The following RIT2 variants were observed in gnomAD, a reference collection of about 807,000 sequenced individuals.
RIT2 encodes the protein GTP-binding protein Rit2.
RIT2 carries 24 observed loss-of-function variants against 23.7 expected under a neutral mutation model. That is an observed-to-expected ratio of 1.01 (90% CI 0.73 to 1.43). The LOEUF (loss-of-function observed/expected upper bound fraction) is 1.43, where lower values mean the gene tolerates loss of function less well. Among genes scored for constraint, RIT2 ranks in the 40% most tolerant of loss-of-function variants. The pLI is 0.00. For missense variants in RIT2, 236 were observed against 266.9 expected, an observed-to-expected ratio of 0.88 and a Z score of 0.81; for synonymous variants, 107 against 91.1, an observed-to-expected ratio of 1.17 and a Z score of -0.99.
intron 4 of RIT2, among the ~76,000 whole-genome samples, chr18:42,807,741 T>A (rs1905724777): frequency 6.6e-6 from 1 of 152,170 alleles, no homozygotes; most frequent in South Asian, 2.1e-4. Context: ...AGAACCCTTG[T>A]CCCTTAGAAG....
intron 1 of RIT2, among the ~76,000 whole-genome samples, chr18:43,062,374 G>A (rs1181021749): frequency 6.6e-6 from 1 of 152,050 alleles, no homozygotes; most frequent in Non-Finnish European, 1.5e-5. Context: ...AAGCATCACA[G>A]TTCCTCCTCC....
At chr18:42,918,573 A>G (rs1468192849) in intron 4 of RIT2, among the ~76,000 whole-genome samples, 1 of 152,150 alleles carries the variant, frequency 6.6e-6, no homozygotes, top group Non-Finnish European at 1.5e-5. Context: ...AAGATAATTA[A>G]GCACTACTCT....
intron 3 of RIT2, among the ~76,000 whole-genome samples, chr18:42,930,610 T>C (rs1180824268): frequency 6.6e-6 from 1 of 152,108 alleles, no homozygotes; most frequent in African/African-American, 2.4e-5. Context: ...CTGGTAGTTG[T>C]AATGACAGAG....
At chr18:42,883,186 C>A (rs1405498003) in intron 4 of RIT2, among the ~76,000 whole-genome samples, 1 of 151,914 alleles carries the variant, frequency 6.6e-6, no homozygotes, top group Non-Finnish European at 1.5e-5. Flanking sequence ...GAACCCCAGG[C>A]AGACCTGGTG....
chr18:42,925,273 T>C (rs1009223836), intron 3 of RIT2, among the ~76,000 whole-genome samples: 2 of 152,092 alleles, frequency 1.3e-5, no homozygotes, highest in Admixed American at 6.6e-5. Context: ...GGATCCCTCA[T>C]AGTTCTGACA....
intron 2 of RIT2, among the ~76,000 whole-genome samples, chr18:42,975,783 A>G (rs1251484862): frequency 6.6e-6 from 1 of 152,018 alleles, no homozygotes; most frequent in Non-Finnish European, 1.5e-5. Context: ...CCACAAAGCC[A>G]TTTGTGAATG....
intron 3 of RIT2, among the ~76,000 whole-genome samples, chr18:42,936,246 C>A (rs1485861855): frequency 6.6e-6 from 1 of 152,046 alleles, no homozygotes; most frequent in African/African-American, 2.4e-5. Flanking sequence ...TGCTAAATAA[C>A]CAAATAAATA....
Position 43,112,190 on chromosome 18 carries a change from G to A in RIT2, c.103+3227C>T, listed in dbSNP as rs187613004. Among the ~76,000 whole-genome samples the A allele has an allele frequency of 3.3e-5, 5 of 152,168 alleles. No individual in the cohort carries two copies. In the East Asian group the frequency reaches 5.8e-4, roughly 18 times the overall value. On this transcript the variant is annotated intron_variant, in intron 1 of 4. Coordinates refer to ENST00000326695, the MANE Select transcript of RIT2 (RefSeq NM_002930.4). ...TTACTAGTGAGTGATGCAACTCTTTGTTCTTCTCAGAGCATTAAACATAAT... is the reference window on the plus strand; with the variant it reads ...TTACTAGTGAGTGATGCAACTCTTTATTCTTCTCAGAGCATTAAACATAAT...
intron 2 of RIT2, among the ~76,000 whole-genome samples, chr18:42,999,732 GA>G (rs1377329894): frequency 1.3e-5 from 2 of 152,050 alleles, no homozygotes; most frequent in Non-Finnish European, 2.9e-5. Context: ...TCAAACTCTA[GA>G]GAAGTTAAGA....
chr18:42,859,747 A>G (rs899635387), intron 4 of RIT2, among the ~76,000 whole-genome samples: 6 of 152,042 alleles, frequency 3.9e-5, no homozygotes, highest in Admixed American at 2.6e-4. Flanking sequence ...TGTATATGGT[A>G]TGAGATATTT....
intron 3 of RIT2, among the ~76,000 whole-genome samples, chr18:42,966,251 T>A (rs982881072): frequency 6.6e-6 from 1 of 152,132 alleles, no homozygotes; most frequent in African/African-American, 2.4e-5. Context: ...TGCAAAGTTC[T>A]TTCATTGTCC....
At position 42,847,567 on chromosome 18, in the gene RIT2, G is replaced by A. The variant is rs539509891; in HGVS notation, c.426+76005C>T. ...AATCTTCATGCACCCCAAGATGGTTGCGTCATCTGTCATTCTTCATGTCTC... is the reference window on the plus strand; with the variant it reads ...AATCTTCATGCACCCCAAGATGGTTACGTCATCTGTCATTCTTCATGTCTC... On this transcript the variant is annotated intron_variant, in intron 4 of 4. Coordinates refer to ENST00000326695, the MANE Select transcript of RIT2 (RefSeq NM_002930.4). Among the ~76,000 whole-genome samples, 6 of 152,138 alleles carry A rather than the reference G, an allele frequency of 3.9e-5. No individual in the cohort carries two copies. The South Asian group carries it at 8.3e-4, about 21-fold the overall frequency.
intron 4 of RIT2, among the ~76,000 whole-genome samples, chr18:42,754,497 C>A (rs1441856117): frequency 6.6e-6 from 1 of 152,112 alleles, no homozygotes; most frequent in Non-Finnish European, 1.5e-5. Context: ...TCTGGAAAGT[C>A]TTTCATCTTT....
intron 2 of RIT2, among the ~76,000 whole-genome samples, chr18:43,009,482 A>G (rs889746834): frequency 3.3e-5 from 5 of 151,734 alleles, no homozygotes; most frequent in African/African-American, 9.7e-5. Flanking sequence ...TTCAATACAA[A>G]TGGAGAAGAA....
intron 4 of RIT2, among the ~76,000 whole-genome samples, chr18:42,780,205 A>T (rs1913779041): frequency 1.3e-5 from 2 of 151,902 alleles, no homozygotes. Context: ...ACATAAATCA[A>T]TACATTGGTT....
intron 3 of RIT2, among the ~76,000 whole-genome samples, chr18:42,972,346 AAT>A (rs1267267298): frequency 6.6e-6 from 1 of 151,988 alleles, no homozygotes; most frequent in South Asian, 2.1e-4. Context: ...ATAGATTTCA[AAT>A]AGTCTTCAAA....
intron 4 of RIT2, among the ~76,000 whole-genome samples, chr18:42,847,940 AT>A (rs1352063249): frequency 2.7e-5 from 4 of 150,836 alleles, no homozygotes; most frequent in Non-Finnish European, 5.9e-5. Flanking sequence ...GATAAATCTA[AT>A]TTATAATGAA....
At chr18:42,933,524 T>C (rs1432163288) in intron 3 of RIT2, among the ~76,000 whole-genome samples, 3 of 152,160 alleles carry the variant, frequency 2.0e-5, no homozygotes, top group East Asian at 1.9e-4. Flanking sequence ...GTTACCTCCA[T>C]GCTGTTCTCA....
intron 3 of RIT2, among the ~76,000 whole-genome samples, chr18:42,933,581 G>A (rs1324730683): frequency 6.6e-6 from 1 of 152,124 alleles, no homozygotes; most frequent in Non-Finnish European, 1.5e-5. Flanking sequence ...CTCATGAAAT[G>A]TAATGGTTTC....
Sources: allele counts gnomAD v4.1 joint callset (sites outside exome capture counted in the v4.1 genomes callset), GRCh38; gene constraint gnomAD v4.1.1; transcripts MANE v1.5; gene names NCBI Gene and HGNC (gene_info 2026-07-23, HGNC 2026-07-21).